MGAT4C: variants seen among roughly 807,000 people sequenced by gnomAD.
MGAT4C encodes alpha-1,3-mannosyl-glycoprotein 4-beta-N-acetylglucosaminyltransferase C.
MGAT4C carries 19 observed loss-of-function variants against 40.1 expected under a neutral mutation model. The ratio of observed to expected loss-of-function variants is 0.47; its 90% confidence interval spans 0.33 to 0.70. The LOEUF (loss-of-function observed/expected upper bound fraction) is 0.70. MGAT4C is among the 30% of genes least tolerant of loss of function. The pLI is 0.02. For missense variants in MGAT4C, 491 were observed against 563.2 expected (o/e 0.87, Z 1.30); for synonymous variants, 181 against 187.1 (o/e 0.97, Z 0.27).
intron 2 of MGAT4C, among the ~76,000 whole-genome samples, chr12:86,652,169 A>G (rs937211458): frequency 3.3e-5 from 5 of 151,884 alleles, no homozygotes; most frequent in African/African-American, 4.8e-5. Context: ...AATCATAATC[A>G]TAATTAATAT....
At chr12:86,305,901 A>G (rs983696058) in intron 4 of MGAT4C, among the ~76,000 whole-genome samples, 1 of 150,396 alleles carries the variant, frequency 6.6e-6, no homozygotes, top group Non-Finnish European at 1.5e-5. Context: ...TGGAGGGGTG[A>G]CTGCACTTAC....
rs185357336 is a variant in MGAT4C, at chr12:86,678,536, G to C, written c.-229+48673C>G. On this transcript the variant is annotated intron_variant, in intron 2 of 7. Coordinates refer to the MGAT4C transcript ENST00000548651. ...GCTGGTGTGCTGCACCCATTAACTC[G>C]TCATTTAGCATTAGGTATATCTCCT... is the stretch of plus-strand genomic sequence containing the variant. Among the ~76,000 whole-genome samples the C allele has an allele frequency of 4.1e-4, 62 of 150,194 alleles. 1 individual carries two copies. Among genetic ancestry groups the C allele is most frequent in the African/African-American group, 1.4e-3 (56 of 40,780 alleles).
chr12:86,456,188 G>C (rs888448416), intron 2 of MGAT4C, among the ~76,000 whole-genome samples: 1 of 151,960 alleles, frequency 6.6e-6, no homozygotes, highest in African/African-American at 2.4e-5. Context: ...AATTAACCAA[G>C]CTGCCAGAAT....
chr12:86,236,664 C>G (rs1951563369), intron 1 of MGAT4C, among the ~76,000 whole-genome samples: 1 of 151,894 alleles, frequency 6.6e-6, no homozygotes. Context: ...TGGATGGAAA[C>G]AGTGAACAGG....
chr12:86,023,689 A>G (rs2136875459), intron 2 of MGAT4C, among the ~76,000 whole-genome samples: 1 of 151,022 alleles, frequency 6.6e-6, no homozygotes, highest in South Asian at 2.1e-4. Context: ...AGAACACATA[A>G]TACTGTTGTT....
chr12:86,091,918 A>C (rs1408050980), intron 1 of MGAT4C, among the ~76,000 whole-genome samples: 1 of 152,074 alleles, frequency 6.6e-6, no homozygotes, highest in Non-Finnish European at 1.5e-5. Flanking sequence ...CCCTTGAGAG[A>C]ATCCCAAAGG....
intron 2 of MGAT4C, among the ~76,000 whole-genome samples, chr12:86,553,951 GCTTT>G (rs1740848311): frequency 6.6e-6 from 1 of 151,964 alleles, no homozygotes; most frequent in South Asian, 2.1e-4. Flanking sequence ...TTATAACCAT[GCTTT>G]ATCTCTTCCT....
intron 1 of MGAT4C, among the ~76,000 whole-genome samples, chr12:86,062,723 G>A (rs1371856446): frequency 6.6e-6 from 1 of 151,754 alleles, no homozygotes; most frequent in African/African-American, 2.4e-5. Context: ...ACTTCATGAA[G>A]CATACACAAG....
intron 1 of MGAT4C, among the ~76,000 whole-genome samples, chr12:86,087,825 T>G (rs989279932): frequency 1.3e-5 from 2 of 152,024 alleles, no homozygotes; most frequent in Non-Finnish European, 2.9e-5. Context: ...TACAGATTTA[T>G]TGCTATTCCT....
intron 3 of MGAT4C, among the ~76,000 whole-genome samples, chr12:86,360,707 G>A (rs1299833200): frequency 1.3e-5 from 2 of 152,114 alleles, no homozygotes; most frequent in East Asian, 1.9e-4. Context: ...CAAACAGAGA[G>A]CCAAATCATG....
intron 2 of MGAT4C, among the ~76,000 whole-genome samples, chr12:86,573,848 C>A (rs1321804467): frequency 6.6e-6 from 1 of 151,904 alleles, no homozygotes; most frequent in African/African-American, 2.4e-5. Context: ...TTCCAGAACT[C>A]ATTGATTGCA....
chr12:86,191,070 ACTCT>A (rs755826021), intron 1 of MGAT4C, among the ~76,000 whole-genome samples: 1 of 136,622 alleles, frequency 7.3e-6, no homozygotes, highest in African/African-American at 2.7e-5. Flanking sequence ...TCTTAAAATC[ACTCT>A]CTCTCTCTGC....
chr12:86,651,378 T>C (rs751007401), intron 2 of MGAT4C, among the ~76,000 whole-genome samples: 7 of 151,890 alleles, frequency 4.6e-5, no homozygotes, highest in African/African-American at 7.2e-5. Flanking sequence ...GCAAGTGATA[T>C]AAATTTTAAA....
At chr12:86,323,139 T>C (rs1215621270) in intron 4 of MGAT4C, among the ~76,000 whole-genome samples, 3 of 151,590 alleles carry the variant, frequency 2.0e-5, no homozygotes, top group Non-Finnish European at 4.4e-5. Flanking sequence ...AGTTTTTTTT[T>C]TTTTAATGTT....
intron 1 of MGAT4C, among the ~76,000 whole-genome samples, chr12:86,177,612 C>T (rs1344142996): frequency 2.0e-5 from 3 of 151,712 alleles, no homozygotes; most frequent in Non-Finnish European, 4.4e-5. Flanking sequence ...CACCAACACC[C>T]TATATTTAAT....
intron 3 of MGAT4C, among the ~76,000 whole-genome samples, chr12:86,426,390 T>C (rs1005939643): frequency 6.6e-6 from 1 of 152,234 alleles, no homozygotes; most frequent in Admixed American, 6.5e-5. Flanking sequence ...AGTGATCATT[T>C]ATAAGTCACA....
chr12:86,587,319 T>C (rs930058890), intron 2 of MGAT4C, among the ~76,000 whole-genome samples: 4 of 152,122 alleles, frequency 2.6e-5, no homozygotes, highest in African/African-American at 9.7e-5. Flanking sequence ...TATATCTCTG[T>C]TTTAGTACCA....
chr12:86,089,737 A>T (rs954853129), intron 1 of MGAT4C, among the ~76,000 whole-genome samples: 11 of 151,584 alleles, frequency 7.3e-5, no homozygotes, highest in African/African-American at 2.7e-4. Context: ...ATTTATTTTC[A>T]AGTCACATTT....
intron 4 of MGAT4C, 67 bp downstream of exon 4, chr12:85,983,456 G>T: frequency 2.2e-6 from 3 of 1,354,364 alleles, no homozygotes; most frequent in East Asian, 5.1e-5. Context: ...CTATACATGT[G>T]AAACTATCAT....
Sources: allele counts gnomAD v4.1 joint callset (sites outside exome capture counted in the v4.1 genomes callset), GRCh38; gene constraint gnomAD v4.1.1; transcripts MANE v1.5; gene names NCBI Gene and HGNC (gene_info 2026-07-23, HGNC 2026-07-21).